Variants in ANKRD44 observed in about 807,000 individuals in gnomAD.
The protein encoded by ANKRD44 is ankyrin repeat domain 44.
A neutral mutation model predicts 116.0 loss-of-function variants in ANKRD44; 35 were observed. That is an observed-to-expected ratio of 0.30 (90% CI 0.23 to 0.40). The LOEUF (loss-of-function observed/expected upper bound fraction) is 0.40. ANKRD44 is among the 10% of genes least tolerant of loss of function. The pLI is 1.00. For synonymous variants in ANKRD44, 435 were observed against 461.8 expected (o/e 0.94, Z 0.74); for missense variants, 1,014 against 1,242.6 (o/e 0.82, Z 2.77).
chr2:197,195,317 TG>T, intron 1 of ANKRD44, among the ~76,000 whole-genome samples: 1 of 152,238 alleles, frequency 6.6e-6, no homozygotes, highest in East Asian at 1.9e-4. Flanking sequence ...ATGGGGGTCA[TG>T]AGCAGGAGAA....
chr2:197,090,670 A>C (rs1272351555), intron 10 of ANKRD44, among the ~76,000 whole-genome samples: 1 of 152,084 alleles, frequency 6.6e-6, no homozygotes, highest in Non-Finnish European at 1.5e-5. Flanking sequence ...GTGAGAACTT[A>C]TATCCCTGTT....
Position 196,987,306 on chromosome 2 carries a change from T to C in ANKRD44, c.*2285A>G. 2.0e-6 allele frequency: 2 copies of C among 985,296 alleles called. No homozygotes were observed. The highest frequency in any genetic ancestry group is 2.4e-6 in the Non-Finnish European group (2 of 829,796). The allele number at this position is 985,296 out of a possible 1,614,324, so 61.0% of individuals were successfully genotyped here. A position where few individuals can be genotyped will look rare whatever the true frequency, so the allele number is the denominator to read the frequency against. ...GGGAAATAGGAAAAAAGACACTTTA[T>C]ACATTCAAAGAAAAGTTGAAATGAA... is the stretch of plus-strand genomic sequence containing the variant. On this transcript the variant is annotated 3_prime_UTR_variant, in exon 28 of 28. Coordinates refer to ENST00000282272, the MANE Select transcript of ANKRD44 (RefSeq NM_001195144.2).
At chr2:197,194,151 GC>G (rs2080892386) in intron 1 of ANKRD44, among the ~76,000 whole-genome samples, 1 of 152,178 alleles carries the variant, frequency 6.6e-6, no homozygotes, top group African/African-American at 2.4e-5. Context: ...AAGCAGAGGG[GC>G]CCATCATATT....
At chr2:197,223,339 G>A (rs1881400) in intron 1 of ANKRD44, among the ~76,000 whole-genome samples, 92,162 of 151,966 alleles carry the variant, frequency 0.61, 29,858 homozygotes, top group African/African-American at 0.85. Context: ...TTCTGGATGG[G>A]CTTATGACCA....
chr2:197,123,058 A>C (rs2579398), intron 6 of ANKRD44, among the ~76,000 whole-genome samples: 4 of 152,162 alleles, frequency 2.6e-5, no homozygotes, highest in Non-Finnish European at 5.9e-5. Context: ...TTGTTACCAC[A>C]CTAATGAATA....
At position 196,988,678 on chromosome 2, in the gene ANKRD44, G is replaced by A. The variant is rs575250040; in HGVS notation, c.*913C>T. ...ACACTATAAAATAGCAATTTCCAGG[G>A]TGGAAATGGAACTCATTATAAAACG... On this transcript the variant is annotated 3_prime_UTR_variant, in exon 28 of 28. Transcript: ENST00000282272. The A allele has an allele frequency of 3.0e-6, 3 of 984,934 alleles. No homozygotes were observed. In the South Asian group the frequency reaches 1.4e-4, roughly 46 times the overall value. The allele number at this position is 984,934 out of a possible 1,614,324, so 61.0% of individuals were successfully genotyped here. A position where few individuals can be genotyped will look rare whatever the true frequency, so the allele number is the denominator to read the frequency against.
intron 16 of ANKRD44, among the ~76,000 whole-genome samples, chr2:197,048,814 G>A (rs1021691707): frequency 2.6e-5 from 4 of 151,912 alleles, no homozygotes; most frequent in African/African-American, 9.7e-5. Flanking sequence ...GTGTAAAAGC[G>A]TTCCTATTTC....
chr2:196,979,554 C>CTGTTTTTTTT (rs2075785380), intron 21 of ANKRD44, among the ~76,000 whole-genome samples: 1 of 59,634 alleles, frequency 1.7e-5, no homozygotes, highest in African/African-American at 6.4e-5. Flanking sequence ...AATAAGATGA[C>CTGTTTTTTTT]TTTTTTTTTT....
chr2:196,987,986 A>G lies in ANKRD44; in HGVS notation c.*1605T>C. 1.0e-6 allele frequency: 1 copy of G among 985,344 alleles called. No homozygotes were observed. The highest frequency in any genetic ancestry group is 1.7e-5 in the African/African-American group (1 of 57,344). 61.0% of individuals were successfully genotyped at this position (985,344 alleles called of 1,614,324 possible). A position where few individuals can be genotyped will look rare whatever the true frequency, so the allele number is the denominator to read the frequency against. On this transcript the variant is annotated 3_prime_UTR_variant, in exon 28 of 28. Coordinates refer to ENST00000282272, the MANE Select transcript of ANKRD44 (RefSeq NM_001195144.2). ...GAGAAAGAGAAAGAGAGGAAGAGAG[A>G]GAGAGAGAGATCAGTTGATGTAATG...
intron 2 of ANKRD44, among the ~76,000 whole-genome samples, chr2:197,162,952 C>T (rs922838456): frequency 5.9e-5 from 9 of 152,166 alleles, no homozygotes; most frequent in Admixed American, 3.3e-4. Flanking sequence ...TATATGAGGG[C>T]GGCCTGCAGG....
intron 20 of ANKRD44, among the ~76,000 whole-genome samples, chr2:197,007,348 A>G (rs1221581604): frequency 6.6e-6 from 1 of 152,234 alleles, no homozygotes; most frequent in Non-Finnish European, 1.5e-5. Flanking sequence ...TATCTTCAGT[A>G]TTCTCTTTTT....
chr2:197,062,511 C>T (rs923628173), intron 16 of ANKRD44, among the ~76,000 whole-genome samples: 1 of 152,232 alleles, frequency 6.6e-6, no homozygotes, highest in African/African-American at 2.4e-5. Flanking sequence ...GCCCACAGAG[C>T]ATGAGCCCAA....
At chr2:197,271,296 T>A (rs2105779459) in intron 1 of ANKRD44, among the ~76,000 whole-genome samples, 1 of 152,316 alleles carries the variant, frequency 6.6e-6, no homozygotes, top group East Asian at 1.9e-4. Context: ...ATGGGATTAG[T>A]GCCCTTATAA....
At chr2:197,247,758 G>A (rs2082224370) in intron 1 of ANKRD44, among the ~76,000 whole-genome samples, 1 of 152,138 alleles carries the variant, frequency 6.6e-6, no homozygotes, top group African/African-American at 2.4e-5. Context: ...CAGGCCCAAG[G>A]GTCCCAGCTG....
At chr2:197,001,035 C>T (rs1048353131) in intron 22 of ANKRD44, among the ~76,000 whole-genome samples, 1 of 152,196 alleles carries the variant, frequency 6.6e-6, no homozygotes, top group Non-Finnish European at 1.5e-5. Flanking sequence ...GAGACTCCGT[C>T]TCAAAAAACA....
chr2:197,264,191 T>C (rs999660625), intron 1 of ANKRD44, among the ~76,000 whole-genome samples: 2 of 152,208 alleles, frequency 1.3e-5, no homozygotes, highest in Non-Finnish European at 2.9e-5. Flanking sequence ...GCAACTATCT[T>C]AGCTGAAAGA....
chr2:197,253,326 C>G (rs1242933025), intron 1 of ANKRD44, among the ~76,000 whole-genome samples: 3 of 152,078 alleles, frequency 2.0e-5, no homozygotes, highest in African/African-American at 7.2e-5. Context: ...GACATTATCT[C>G]AGTCATTAAG....
intron 10 of ANKRD44, among the ~76,000 whole-genome samples, chr2:197,093,561 G>T (rs540613107): frequency 6.6e-6 from 1 of 152,046 alleles, no homozygotes; most frequent in Non-Finnish European, 1.5e-5. Flanking sequence ...AAACAGATTC[G>T]CATAGACTCA....
intron 1 of ANKRD44, among the ~76,000 whole-genome samples, chr2:197,242,169 C>G (rs1248890994): frequency 6.6e-6 from 1 of 152,062 alleles, no homozygotes; most frequent in Non-Finnish European, 1.5e-5. Flanking sequence ...ACAGGTCCTT[C>G]CTCATGACTA....
Sources: allele counts gnomAD v4.1 joint callset (sites outside exome capture counted in the v4.1 genomes callset), GRCh38; gene constraint gnomAD v4.1.1; transcripts MANE v1.5; gene names NCBI Gene and HGNC (gene_info 2026-07-23, HGNC 2026-07-21).